Variants in TTF2 observed in about 807,000 individuals in gnomAD.
The protein encoded by TTF2 is RNA polymerase II termination factor.
TTF2 carries 108 observed loss-of-function variants against 142.4 expected under a neutral mutation model. That is an observed-to-expected ratio of 0.76 (90% CI 0.65 to 0.89). TTF2 has a LOEUF of 0.89. TTF2 is among the 40% of genes least tolerant of loss of function. The pLI, the probability that TTF2 is intolerant of heterozygous loss-of-function variation, is 0.00. For synonymous variants in TTF2, 483 were observed against 506.2 expected, an observed-to-expected ratio of 0.95 and a Z score of 0.61; for missense variants, 1,327 against 1,379.8, an observed-to-expected ratio of 0.96 and a Z score of 0.61.
rs549223439 is a variant in TTF2 at position 117,073,531 on chromosome 1, T to C, written c.219-130T>C. ...TTTTTAAATGTGTATATAAAAGTAATTGGTTTCAAGTGACCTCCCAAAGCC... is the reference window on the plus strand; with the variant it reads ...TTTTTAAATGTGTATATAAAAGTAACTGGTTTCAAGTGACCTCCCAAAGCC... On this transcript the variant is annotated intron_variant, in intron 3 of 22. Coordinates refer to ENST00000369466, the MANE Select transcript of TTF2 (RefSeq NM_003594.4). The surrounding 1 kb of genome is among the most constrained non-coding windows in gnomAD (Gnocchi z 4.4). 1.4e-6 allele frequency: 1 copy of C among 700,400 alleles called. No homozygotes were observed. Among genetic ancestry groups the C allele is most frequent in the African/African-American group, 1.8e-5 (1 of 55,858 alleles). 43.4% of individuals were successfully genotyped at this position (700,400 alleles called of 1,614,324 possible).
intron 9 of TTF2, among the ~76,000 whole-genome samples, chr1:117,081,586 G>C (rs75201957): frequency 1.3e-5 from 2 of 152,204 alleles, no homozygotes; most frequent in Non-Finnish European, 2.9e-5. Context: ...CAAATTGTAA[G>C]TTTTAAATTT....
intron 4 of TTF2, 62 bp from the exon 5 acceptor site, chr1:117,074,808 G>C: frequency 1.4e-6 from 2 of 1,414,194 alleles, no homozygotes; most frequent in East Asian, 5.0e-5. Flanking sequence ...GAAAAGGAAA[G>C]GCATTCTAGA....
At position 117,070,750 on chromosome 1, in the gene TTF2, T is replaced by TTAAAAA. The variant is rs1449105877; in HGVS notation, c.219-2909_219-2904dup. On this transcript the variant is annotated intron_variant, in intron 3 of 22. Coordinates refer to ENST00000369466, the MANE Select transcript of TTF2 (RefSeq NM_003594.4). This position sits in a 1 kb window ranked among gnomAD's most constrained non-coding sequence, Gnocchi z 4.2. ...AAAAATTAAAGAAACCAGTAAGATT[T>TTAAAAA]TAAAAATTGTGAACTTGGATGGGAA... Among the ~76,000 whole-genome samples the TTAAAAA allele has an allele frequency of 5.9e-5, 9 of 152,194 alleles. No homozygotes were observed. The highest frequency in any genetic ancestry group is 1.3e-4 in the Non-Finnish European group (9 of 68,032).
At chr1:117,068,150 TTCTC>T (rs1456655558) in intron 3 of TTF2, among the ~76,000 whole-genome samples, 3 of 152,358 alleles carry the variant, frequency 2.0e-5, no homozygotes, top group African/African-American at 7.2e-5. Context: ...ATATTTTCCT[TTCTC>T]TCTGTTTCTC....
chr1:117,077,215 A>T (rs1484145673), intron 7 of TTF2, among the ~76,000 whole-genome samples: 1 of 152,160 alleles, frequency 6.6e-6, no homozygotes, highest in Admixed American at 6.5e-5. Flanking sequence ...AGGAGGGACT[A>T]CCGTAGATGT....
rs1053654835 is a variant in TTF2 at position 117,101,992 on chromosome 1, A to G, written c.*468A>G. ...CCCCATCTCTATGAAGAATAAAAAA[A>G]TGAGCTAGGCGTGGTAGTGCACACC... On this transcript the variant is annotated 3_prime_UTR_variant, in exon 23 of 23. Coordinates refer to ENST00000369466, the MANE Select transcript of TTF2 (RefSeq NM_003594.4). This position sits in a 1 kb window ranked among gnomAD's most constrained non-coding sequence, Gnocchi z 5.9. The G allele has an allele frequency of 1.3e-5, 2 of 152,860 alleles. No individual in the cohort carries two copies. The highest frequency in any genetic ancestry group is 4.8e-5 in the African/African-American group (2 of 41,442). 9.5% of individuals were successfully genotyped at this position (152,860 alleles called of 1,614,324 possible).
In TTF2 at chr1:117,073,944, A is replaced by C. The variant is rs555199434; in HGVS notation, c.285+217A>C. The stretch of plus-strand genomic sequence containing the variant: ...TAATTATTTGCATCCTATTTCACTT[A>C]GTAAATATTTTTTGAGGTCTTAAAT... On this transcript the variant is annotated intron_variant, in intron 4 of 22. Coordinates refer to ENST00000369466, the MANE Select transcript of TTF2 (RefSeq NM_003594.4). The surrounding 1 kb of genome is among the most constrained non-coding windows in gnomAD (Gnocchi z 4.4). Among the ~76,000 whole-genome samples, 19 of 152,328 alleles carry C rather than the reference A, an allele frequency of 1.2e-4. No homozygotes were observed. Among genetic ancestry groups the C allele is most frequent in the Non-Finnish European group, 2.5e-4 (17 of 68,026 alleles).
At chr1:117,091,030 A>G (rs539452105) in intron 15 of TTF2, among the ~76,000 whole-genome samples, 2 of 148,714 alleles carry the variant, frequency 1.3e-5, no homozygotes, top group South Asian at 2.2e-4. Flanking sequence ...TTTCTCTTGA[A>G]CTCTTATCTT....
chr1:117,060,926 T>C (rs571160472), intron 2 of TTF2, among the ~76,000 whole-genome samples: 4 of 152,196 alleles, frequency 2.6e-5, no homozygotes, highest in Non-Finnish European at 5.9e-5. Context: ...ACAGCAGACA[T>C]AGTGGAAAAT....
chr1:117,079,521 C>T lies in TTF2; in HGVS notation c.1702-47C>T. The T allele has an allele frequency of 6.3e-7, 1 of 1,578,826 alleles. No homozygotes were observed. The highest frequency in any genetic ancestry group is 8.7e-7 in the Non-Finnish European group (1 of 1,149,722). Reference sequence around the variant, plus strand: ...TTCGTGTAGCCAGGCTCGGCATAGCCTCTCATTAGGAATTTATGCTTAGCA... The same window carrying T: ...TTCGTGTAGCCAGGCTCGGCATAGCTTCTCATTAGGAATTTATGCTTAGCA... On this transcript the variant is annotated intron_variant, in intron 8 of 22. Coordinates refer to ENST00000369466, the MANE Select transcript of TTF2 (RefSeq NM_003594.4). The surrounding 1 kb of genome is among the most constrained non-coding windows in gnomAD (Gnocchi z 4.2).
Position 117,101,556 on chromosome 1 carries a change from A to G in TTF2, c.*32A>G, listed in dbSNP as rs370970458. ...GTGGATAAGGGCTCAGAATAGCACC[A>G]TTGCTGGTTTGTATTAGGATCTGGG... is the stretch of plus-strand genomic sequence containing the variant. On this transcript the variant is annotated 3_prime_UTR_variant, in exon 23 of 23. Coordinates refer to ENST00000369466, the MANE Select transcript of TTF2 (RefSeq NM_003594.4). This position sits in a 1 kb window ranked among gnomAD's most constrained non-coding sequence, Gnocchi z 5.9. 185 of 1,532,582 alleles carry G rather than the reference A, an allele frequency of 1.2e-4. 1 individual carries two copies. The highest frequency in any genetic ancestry group is 1.5e-4 in the Non-Finnish European group (170 of 1,147,616). 94.9% of individuals were successfully genotyped at this position (1,532,582 alleles called of 1,614,324 possible). A position where few individuals can be genotyped will look rare whatever the true frequency, so the allele number is the denominator to read the frequency against.
intron 2 of TTF2, among the ~76,000 whole-genome samples, chr1:117,061,169 C>T (rs766536127): frequency 5.3e-5 from 8 of 152,150 alleles, no homozygotes; most frequent in Non-Finnish European, 8.8e-5. Flanking sequence ...GCGAGCGAAT[C>T]GCTTGAGCCC....
chr1:117,094,692 T>TGTGAGTA, intron 18 of TTF2: 2 of 480,098 alleles, frequency 4.2e-6, no homozygotes, highest in South Asian at 1.5e-5. Context: ...TCACAGCCCC[T>TGTGAGTA]CACACATGGC....
At position 117,070,847 on chromosome 1, in the gene TTF2, CA is replaced by C. The variant is rs1340389136; in HGVS notation, c.219-2813del. Reference sequence around the variant, plus strand: ...GCTTAACTTTTATGGACAACTTGTCCATTTGGGCTTGTTCATCTTTGTTTAT... The same window carrying C: ...GCTTAACTTTTATGGACAACTTGTCCTTTGGGCTTGTTCATCTTTGTTTAT... On this transcript the variant is annotated intron_variant, in intron 3 of 22. Coordinates refer to ENST00000369466, the MANE Select transcript of TTF2 (RefSeq NM_003594.4). The surrounding 1 kb of genome is among the most constrained non-coding windows in gnomAD (Gnocchi z 4.2). 6.6e-6 allele frequency among the ~76,000 whole-genome samples: 1 copy of C among 152,046 alleles called. No homozygotes were observed. The highest frequency in any genetic ancestry group is 2.4e-5 in the African/African-American group (1 of 41,376).
At position 117,092,605 on chromosome 1, in the gene TTF2, A is replaced by G. The variant is rs1648687721; in HGVS notation, c.2806-126A>G. ...ACACTTTAATCAAGGTGTCTTGAGG[A>G]GTTACTGATGACAAATTACAAGATA... On this transcript the variant is annotated intron_variant, in intron 17 of 22. Transcript: ENST00000369466. The surrounding 1 kb of genome is among the most constrained non-coding windows in gnomAD (Gnocchi z 4.4). 9.9e-7 allele frequency: 1 copy of G among 1,014,008 alleles called. No homozygotes were observed. Among genetic ancestry groups the G allele is most frequent in the Admixed American group, 2.7e-5 (1 of 37,620 alleles). 62.8% of individuals were successfully genotyped at this position (1,014,008 alleles called of 1,614,324 possible).
rs1165407944 is a variant in TTF2 at position 117,087,394 on chromosome 1, C to T, written c.2160+872C>T. Among the ~76,000 whole-genome samples, 5 of 152,120 alleles carry T rather than the reference C, an allele frequency of 3.3e-5. No individual in the cohort carries two copies. The East Asian group carries it at 5.8e-4, about 18-fold the overall frequency. On this transcript the variant is annotated intron_variant, in intron 12 of 22. Coordinates refer to ENST00000369466, the MANE Select transcript of TTF2 (RefSeq NM_003594.4). This position sits in a 1 kb window ranked among gnomAD's most constrained non-coding sequence, Gnocchi z 4.8. ...GCAACCTCTGCATCCCGGGTTCAAG[C>T]GATTCTCCTGCCTCAGCTTCCCAAG... is the stretch of plus-strand genomic sequence containing the variant.
chr1:117,093,052 C>A lies in TTF2; in HGVS notation c.2976+151C>A. 1.1e-6 allele frequency: 1 copy of A among 871,614 alleles called. No homozygotes were observed. Among genetic ancestry groups the A allele is most frequent in the Non-Finnish European group, 1.7e-6 (1 of 575,906 alleles). 54.0% of individuals were successfully genotyped at this position (871,614 alleles called of 1,614,324 possible). A position where few individuals can be genotyped will look rare whatever the true frequency, so the allele number is the denominator to read the frequency against. Reference sequence around the variant, plus strand: ...TAGCTGATCAGATTCTCCCTCCAGTCTTAAAGCTTCATTTATTTCACAGAT... The same window carrying A: ...TAGCTGATCAGATTCTCCCTCCAGTATTAAAGCTTCATTTATTTCACAGAT... On this transcript the variant is annotated intron_variant, in intron 18 of 22. Coordinates refer to ENST00000369466, the MANE Select transcript of TTF2 (RefSeq NM_003594.4). The surrounding 1 kb of genome is among the most constrained non-coding windows in gnomAD (Gnocchi z 4.5).
intron 19 of TTF2, 53 bp from the exon 20 acceptor site, chr1:117,096,096 T>C: frequency 1.9e-6 from 3 of 1,596,800 alleles, no homozygotes; most frequent in Middle Eastern, 1.9e-4. Context: ...GCCCTGCAGA[T>C]GAGTCTGTTT....
At chr1:117,069,102 T>C (rs1265861883) in intron 3 of TTF2, among the ~76,000 whole-genome samples, 1 of 152,190 alleles carries the variant, frequency 6.6e-6, no homozygotes, top group Non-Finnish European at 1.5e-5. Flanking sequence ...ACATTTACAA[T>C]TTTGTTTTTT....
Sources: allele counts gnomAD v4.1 joint callset (sites outside exome capture counted in the v4.1 genomes callset), GRCh38; gene constraint gnomAD v4.1.1; non-coding constraint Gnocchi (gnomAD v3.1); transcripts MANE v1.5; gene names NCBI Gene and HGNC (gene_info 2026-07-23, HGNC 2026-07-21).